Variants in EXOC6B observed in about 807,000 individuals in gnomAD.
EXOC6B encodes the protein exocyst complex component 6B.
Under a neutral mutation model 113.5 loss-of-function variants are expected in EXOC6B, and 54 were observed. That is an observed-to-expected ratio of 0.48 (90% confidence interval 0.38 to 0.60). The LOEUF (loss-of-function observed/expected upper bound fraction) is 0.60, where lower values mean the gene tolerates loss of function less well. Among genes scored for constraint, EXOC6B ranks in the 20% least tolerant of loss-of-function variants. The pLI, the probability that EXOC6B is intolerant of heterozygous loss-of-function variation, is 0.00. For synonymous variants in EXOC6B, 357 were observed against 339.0 expected, an observed-to-expected ratio of 1.05 and a Z score of -0.58; for missense variants, 797 against 977.5, an observed-to-expected ratio of 0.82 and a Z score of 2.46.
chr2:72,355,802 C>G (rs2104961220), intron 19 of EXOC6B, among the ~76,000 whole-genome samples: 1 of 152,170 alleles, frequency 6.6e-6, no homozygotes, highest in East Asian at 1.9e-4. Flanking sequence ...AGTAGTCCAC[C>G]CATAGGAAAT....
intron 20 of EXOC6B, among the ~76,000 whole-genome samples, chr2:72,303,084 G>A (rs1686630706): frequency 1.3e-5 from 2 of 152,134 alleles, no homozygotes. Context: ...AGGAAGCTTG[G>A]TTTGGCTGGA....
intron 20 of EXOC6B, among the ~76,000 whole-genome samples, chr2:72,282,313 A>G (rs2104674962): frequency 6.6e-6 from 1 of 152,262 alleles, no homozygotes; most frequent in Admixed American, 6.5e-5. Context: ...AAATTGAATT[A>G]AAGTAGTCTA....
chr2:72,223,228 A>C (rs1573028424), intron 20 of EXOC6B, among the ~76,000 whole-genome samples: 2 of 151,926 alleles, frequency 1.3e-5, no homozygotes, highest in East Asian at 3.8e-4. Flanking sequence ...CAGAAAATAC[A>C]GTGGAAAAAC....
chr2:72,343,093 G>A (rs998328322), intron 19 of EXOC6B, among the ~76,000 whole-genome samples: 1 of 152,078 alleles, frequency 6.6e-6, no homozygotes, highest in African/African-American at 2.4e-5. Flanking sequence ...TTAAATTTTA[G>A]ATTAATAATT....
intron 20 of EXOC6B, among the ~76,000 whole-genome samples, chr2:72,224,692 C>T (rs1036439396): frequency 3.3e-5 from 5 of 151,884 alleles, no homozygotes; most frequent in Non-Finnish European, 7.4e-5. Flanking sequence ...TGCAGTGGTG[C>T]AATCTCCACT....
chr2:72,270,590 A>G (rs1434630949), intron 20 of EXOC6B, among the ~76,000 whole-genome samples: 2 of 152,154 alleles, frequency 1.3e-5, no homozygotes, highest in African/African-American at 4.8e-5. Flanking sequence ...AGAACACATC[A>G]TAAGTATCTG....
intron 6 of EXOC6B, among the ~76,000 whole-genome samples, chr2:72,582,208 C>G (rs189357389): frequency 2.6e-4 from 40 of 151,964 alleles, no homozygotes; most frequent in Admixed American, 2.6e-3. Context: ...AAATTCTATC[C>G]ACACAAAAAT....
rs577759510 is a variant in EXOC6B at position 72,554,439 on chromosome 2, G to C, written c.915+5014C>G. ...AGGGAGGGAAGTGATTAGATTATGG[G>C]GGCAGTTTCCCCCATGCTGTTCTCA... On this transcript the variant is annotated intron_variant, in intron 8 of 21. Coordinates refer to ENST00000272427, the MANE Select transcript of EXOC6B (RefSeq NM_015189.3). 3.9e-5 allele frequency among the ~76,000 whole-genome samples: 6 copies of C among 152,234 alleles called. No homozygotes were observed. The South Asian group carries it at 1.0e-3, about 26-fold the overall frequency.
At chr2:72,787,728 G>C (rs1201546606) in intron 1 of EXOC6B, among the ~76,000 whole-genome samples, 1 of 152,106 alleles carries the variant, frequency 6.6e-6, no homozygotes, top group East Asian at 1.9e-4. Context: ...CTCACTGCAG[G>C]TGATCCTCTT....
At chr2:72,401,586 T>TATGTATATATATATATAC (rs1693255527) in intron 18 of EXOC6B, among the ~76,000 whole-genome samples, 1 of 34,590 alleles carries the variant, frequency 2.9e-5, no homozygotes, top group Non-Finnish European at 4.4e-5. Context: ...TATATACATA[T>TATGTATATATATATATAC]ATATATATAT....
chr2:72,308,920 G>A (rs1331332896), intron 20 of EXOC6B, among the ~76,000 whole-genome samples: 1 of 152,004 alleles, frequency 6.6e-6, no homozygotes, highest in Admixed American at 6.5e-5. Flanking sequence ...GACTATAAAT[G>A]TCTAGAGGAA....
intron 6 of EXOC6B, among the ~76,000 whole-genome samples, chr2:72,649,225 A>G (rs375016986): frequency 1.2e-4 from 18 of 152,260 alleles, no homozygotes; most frequent in African/African-American, 3.6e-4. Context: ...GGTGGCAGGG[A>G]GTGGGGATGG....
chr2:72,313,330 C>T (rs1159946354), intron 20 of EXOC6B, among the ~76,000 whole-genome samples: 1 of 152,048 alleles, frequency 6.6e-6, no homozygotes, highest in African/African-American at 2.4e-5. Flanking sequence ...CATGTTTACC[C>T]ATCTGACAAA....
chr2:72,549,284 G>A (rs1252196366), intron 8 of EXOC6B, among the ~76,000 whole-genome samples: 1 of 152,152 alleles, frequency 6.6e-6, no homozygotes, highest in Non-Finnish European at 1.5e-5. Flanking sequence ...AGATTTGTAT[G>A]TTGAATAGAT....
intron 18 of EXOC6B, among the ~76,000 whole-genome samples, chr2:72,397,780 T>C (rs1308976115): frequency 2.0e-5 from 3 of 151,982 alleles, no homozygotes; most frequent in Non-Finnish European, 4.4e-5. Context: ...TGCACATCAT[T>C]AGCATATAAA....
chr2:72,696,801 C>T (rs897679180), intron 6 of EXOC6B, among the ~76,000 whole-genome samples: 10 of 152,212 alleles, frequency 6.6e-5, no homozygotes, highest in South Asian at 2.1e-4. Context: ...GACTGAAGCG[C>T]TATCTATGGT....
At chr2:72,495,610 G>A in intron 14 of EXOC6B, 71 bp from the exon 15 acceptor site, 1 of 845,238 alleles carries the variant, frequency 1.2e-6, no homozygotes, top group South Asian at 1.7e-5. Flanking sequence ...AAATTATTTA[G>A]GTTGCAAAAA....
At chr2:72,772,683 G>T (rs2104952624) in intron 1 of EXOC6B, among the ~76,000 whole-genome samples, 1 of 151,838 alleles carries the variant, frequency 6.6e-6, no homozygotes, top group African/African-American at 2.4e-5. Context: ...CTGACCCAGG[G>T]ACCAGGCCAG....
At chr2:72,471,524 A>C (rs1698410309) in intron 17 of EXOC6B, among the ~76,000 whole-genome samples, 2 of 152,186 alleles carry the variant, frequency 1.3e-5, no homozygotes, top group African/African-American at 2.4e-5. Flanking sequence ...TGTTTTAGAC[A>C]TGAAGTCCTT....
Sources: gnomAD v4.1 joint callset for allele counts (sites outside exome capture counted in the v4.1 genomes callset) on GRCh38, gnomAD v4.1.1 for gene constraint, MANE v1.5 for transcripts, NCBI Gene and HGNC (gene_info 2026-07-23, HGNC 2026-07-21) for gene names.